MAML3: variants seen among roughly 807,000 people sequenced by gnomAD.
The protein encoded by MAML3 is mastermind like transcriptional coactivator 3, also known as mastermind-like protein 3.
In MAML3, 27 loss-of-function variants were observed where a neutral mutation model predicts 101.9. The observed-to-expected ratio is 0.27, with a 90% CI of 0.20 to 0.37. MAML3 has a LOEUF of 0.37. Among genes scored for constraint, MAML3 ranks in the 10% least tolerant of loss-of-function variants. The pLI, the probability that MAML3 is intolerant of heterozygous loss-of-function variation, is 1.00. For synonymous variants in MAML3, 501 were observed against 555.9 expected, an observed-to-expected ratio of 0.90 and a Z score of 1.39; for missense variants, 1,316 against 1,444.9, an observed-to-expected ratio of 0.91 and a Z score of 1.45.
At chr4:139,739,101 A>G (rs1729064565) in intron 2 of MAML3, among the ~76,000 whole-genome samples, 2 of 152,246 alleles carry the variant, frequency 1.3e-5, no homozygotes, top group African/African-American at 4.8e-5. Flanking sequence ...AGCAAAATAC[A>G]GATTTACTGA....
chr4:139,949,067 G>C (rs911748059), intron 1 of MAML3, among the ~76,000 whole-genome samples: 1 of 152,084 alleles, frequency 6.6e-6, no homozygotes, highest in African/African-American at 2.4e-5. Context: ...CCAGGCTGGA[G>C]TGCAGTGGCG....
In MAML3 at chr4:140,153,041, T is replaced by G. The variant is rs892632085; in HGVS notation, c.287A>C (p.Gln96Pro). The stretch of plus-strand genomic sequence containing the variant: ...CTCCAGCTGCTCCACCTGAGCCTGC[T>G]GGTACCTGTTCTCGCAGTTGACGTG... ...RHHVNCENRY[Q>P]QAQVEQLELE... Residue 96 changes from glutamine to proline, a missense_variant, in exon 1 of 5, where the codon CAG (glutamine) becomes CCG (proline). Gln to Pro is a moderately conservative substitution (Grantham distance 76). Transcript: ENST00000509479. 7.6e-6 allele frequency: 12 copies of G among 1,587,652 alleles called. No homozygotes were observed. The highest frequency in any genetic ancestry group is 8.6e-6 in the Non-Finnish European group (10 of 1,166,902).
At chr4:139,725,912 G>C in intron 3 of MAML3, 77 bp from the exon 4 acceptor site, 2 of 1,213,788 alleles carry the variant, frequency 1.6e-6, no homozygotes, top group Non-Finnish European at 2.4e-6. Flanking sequence ...CAGCAGTTCC[G>C]AGGAAGGTAG....
At chr4:140,032,134 C>T (rs1480541552) in intron 1 of MAML3, among the ~76,000 whole-genome samples, 3 of 152,166 alleles carry the variant, frequency 2.0e-5, no homozygotes, top group African/African-American at 7.2e-5. Context: ...AAACAGTATT[C>T]CTATAGCTCT....
At chr4:139,734,197 C>T (rs1360199229) in intron 2 of MAML3, among the ~76,000 whole-genome samples, 1 of 152,194 alleles carries the variant, frequency 6.6e-6, no homozygotes, top group African/African-American at 2.4e-5. Context: ...TTTTAACCTC[C>T]AGTCTCAGAG....
intron 1 of MAML3, among the ~76,000 whole-genome samples, chr4:139,955,482 T>C (rs534204123): frequency 1.3e-5 from 2 of 152,350 alleles, no homozygotes; most frequent in South Asian, 4.1e-4. Flanking sequence ...CATGATCTAC[T>C]GTGATTACAA....
At chr4:139,960,228 T>C (rs769847310) in intron 1 of MAML3, among the ~76,000 whole-genome samples, 1 of 152,208 alleles carries the variant, frequency 6.6e-6, no homozygotes, top group Non-Finnish European at 1.5e-5. Context: ...CTTGCTTGGA[T>C]CATCTCAATA....
At chr4:139,765,306 C>G (rs941330013) in intron 2 of MAML3, among the ~76,000 whole-genome samples, 3 of 152,168 alleles carry the variant, frequency 2.0e-5, no homozygotes, top group South Asian at 2.1e-4. Flanking sequence ...AAATTACTTG[C>G]TGTTTTAGGA....
intron 2 of MAML3, among the ~76,000 whole-genome samples, chr4:139,746,305 T>C (rs2111032156): frequency 6.6e-6 from 1 of 152,366 alleles, no homozygotes; most frequent in South Asian, 2.1e-4. Flanking sequence ...AATTCATCAG[T>C]ACACAACCAG....
intron 1 of MAML3, among the ~76,000 whole-genome samples, chr4:139,957,060 G>A (rs1412162994): frequency 6.6e-6 from 1 of 152,156 alleles, no homozygotes; most frequent in Non-Finnish European, 1.5e-5. Flanking sequence ...CTTGTCCAAC[G>A]TCACACAGCT....
intron 2 of MAML3, among the ~76,000 whole-genome samples, chr4:139,793,613 C>T (rs1372971192): frequency 5.3e-5 from 8 of 152,166 alleles, no homozygotes; most frequent in African/African-American, 1.7e-4. Flanking sequence ...GTGGCTTTTC[C>T]AAGCCTGGCT....
intron 1 of MAML3, among the ~76,000 whole-genome samples, chr4:139,969,998 A>G (rs1042755392): frequency 3.9e-5 from 6 of 152,232 alleles, no homozygotes; most frequent in Admixed American, 6.5e-5. Context: ...GGCAATATTC[A>G]ACAGCATTTG....
intron 1 of MAML3, among the ~76,000 whole-genome samples, chr4:140,038,560 T>C (rs1372796789): frequency 6.6e-6 from 1 of 152,186 alleles, no homozygotes; most frequent in African/African-American, 2.4e-5. Context: ...GAGCAATGGC[T>C]CCTAGGCCAG....
At chr4:139,837,320 C>A (rs887460447) in intron 2 of MAML3, among the ~76,000 whole-genome samples, 1 of 151,326 alleles carries the variant, frequency 6.6e-6, no homozygotes, top group Non-Finnish European at 1.5e-5. Flanking sequence ...CACGGTGAAA[C>A]CCTGTCTTTA....
At chr4:139,829,857 G>T (rs1184283146) in intron 2 of MAML3, among the ~76,000 whole-genome samples, 2 of 152,176 alleles carry the variant, frequency 1.3e-5, no homozygotes, top group Admixed American at 6.5e-5. Flanking sequence ...ACAGATCTGG[G>T]AATATAACTT....
intron 1 of MAML3, among the ~76,000 whole-genome samples, chr4:140,056,434 C>T (rs538068107): frequency 6.6e-6 from 1 of 151,508 alleles, no homozygotes; most frequent in South Asian, 2.1e-4. Context: ...CTCGGCTCAC[C>T]GCAATCTCTG....
intron 1 of MAML3, among the ~76,000 whole-genome samples, chr4:140,127,818 G>A (rs980810741): frequency 6.6e-5 from 10 of 152,194 alleles, no homozygotes; most frequent in Non-Finnish European, 1.2e-4. Flanking sequence ...CCAAGTAGCT[G>A]TACTAAAAGC....
intron 2 of MAML3, among the ~76,000 whole-genome samples, chr4:139,767,487 T>A (rs893391263): frequency 4.6e-5 from 7 of 152,230 alleles, no homozygotes; most frequent in African/African-American, 1.4e-4. Context: ...CTTCCTTTTT[T>A]CTTCTTCTTG....
chr4:139,781,496 G>A (rs6840406), intron 2 of MAML3, among the ~76,000 whole-genome samples: 18 of 147,156 alleles, frequency 1.2e-4, no homozygotes, highest in African/African-American at 3.5e-4. Context: ...TCTAATGATC[G>A]CAGAGCATTT....
Sources: allele counts gnomAD v4.1 joint callset (sites outside exome capture counted in the v4.1 genomes callset), GRCh38; gene constraint gnomAD v4.1.1; transcripts MANE v1.5; gene names NCBI Gene and HGNC (gene_info 2026-07-23, HGNC 2026-07-21).